The following MECR variants were observed in gnomAD, a reference collection of about 807,000 sequenced individuals.
MECR encodes enoyl-[acyl-carrier-protein] reductase, mitochondrial.
A neutral mutation model predicts 49.1 loss-of-function variants in MECR; 37 were observed. That is an observed-to-expected ratio of 0.75 (90% CI 0.58 to 0.99). The LOEUF is 0.99. MECR is among the 50% of genes least tolerant of loss of function. The pLI is 0.00. For synonymous variants in MECR, 198 were observed against 191.1 expected (o/e 1.04, Z -0.30); for missense variants, 470 against 479.6 (o/e 0.98, Z 0.19).
At chr1:29,173,661 C>A in the MECR span, among the ~76,000 whole-genome samples, 1 of 142,926 alleles carries the variant, frequency 7.0e-6, no homozygotes, top group Non-Finnish European at 1.5e-5. Flanking sequence ...GCTGGCCAGG[C>A]TGGTCTCAAA....
intron 1 of MECR, among the ~76,000 whole-genome samples, chr1:29,219,295 GATC>G (rs1300631313): frequency 6.6e-6 from 1 of 152,232 alleles, no homozygotes; most frequent in Admixed American, 6.5e-5. Flanking sequence ...TATTTTCACA[GATC>G]ATCAGAGTTT....
At chr1:29,183,937 C>T in the MECR span, among the ~76,000 whole-genome samples, 31 of 147,830 alleles carry the variant, frequency 2.1e-4, no homozygotes, top group Admixed American at 4.1e-4. Context: ...TGCAGTGCAG[C>T]GGTGCGATCT....
intron 1 of MECR, among the ~76,000 whole-genome samples, chr1:29,219,095 T>C (rs1680157074): frequency 1.3e-5 from 2 of 152,152 alleles, no homozygotes; most frequent in Non-Finnish European, 2.9e-5. Flanking sequence ...CTGGACCGGC[T>C]GCCGTTGCCT....
intron 1 of MECR, chr1:29,220,857 T>C: frequency 7.3e-6 from 7 of 959,024 alleles, no homozygotes; most frequent in Middle Eastern, 5.4e-4. Context: ...GCTGAAGAAA[T>C]GACAGCTGTT....
downstream of MECR, among the ~76,000 whole-genome samples, chr1:29,192,068 G>A (rs543146287): frequency 1.3e-5 from 2 of 152,096 alleles, no homozygotes; most frequent in African/African-American, 4.8e-5. Flanking sequence ...ACCAGCAAGG[G>A]CAACAGTGTG....
At chr1:29,177,304 G>A in the MECR span, among the ~76,000 whole-genome samples, 6 of 140,372 alleles carry the variant, frequency 4.3e-5, no homozygotes, top group Non-Finnish European at 9.2e-5. Flanking sequence ...TTTTTGAGAC[G>A]AAGTTTTGCT....
chr1:29,225,604 A>G (rs1237042395), intron 1 of MECR, among the ~76,000 whole-genome samples: 2 of 151,978 alleles, frequency 1.3e-5, no homozygotes. Flanking sequence ...TAAACTCTCA[A>G]AGAATACATG....
intron 1 of MECR, among the ~76,000 whole-genome samples, chr1:29,229,712 C>T (rs542208228): frequency 6.6e-6 from 1 of 152,190 alleles, no homozygotes; most frequent in African/African-American, 2.4e-5. Flanking sequence ...ATGATGAAAC[C>T]GAGGCTCAGA....
At chr1:29,207,221 G>A (rs867067353) in intron 3 of MECR, among the ~76,000 whole-genome samples, 3 of 151,954 alleles carry the variant, frequency 2.0e-5, no homozygotes, top group Non-Finnish European at 2.9e-5. Context: ...TCCTGGGTTC[G>A]TGATTCTTAT....
downstream of MECR, among the ~76,000 whole-genome samples, chr1:29,190,308 G>C (rs999404207): frequency 6.6e-6 from 1 of 152,094 alleles, no homozygotes; most frequent in Non-Finnish European, 1.5e-5. Context: ...CCGGGAGGCG[G>C]AGCTTGCAGT....
chr1:29,177,922 C>CA, the MECR span, among the ~76,000 whole-genome samples: 1 of 102,968 alleles, frequency 9.7e-6, no homozygotes, highest in Non-Finnish European at 1.8e-5. Flanking sequence ...TTTTTTGAGA[C>CA]AGAGTCTTGC....
the MECR span, among the ~76,000 whole-genome samples, chr1:29,184,375 C>T: frequency 3.5e-4 from 53 of 152,170 alleles, no homozygotes; most frequent in Middle Eastern, 0.01. Flanking sequence ...CTGGGTTTCA[C>T]CATGTTGGCC....
Position 29,194,148 on chromosome 1 carries a change from G to A in MECR, c.996C>T (p.Cys332=). ...TGAGCTGGCCTCGGCGGATGAGATC[G>A]CACAGTGTGAGGATCAGCTCCTTGA... is the stretch of plus-strand genomic sequence containing the variant. The part of the protein sequence containing the change: ...DQFKELILTL[C]DLIRRGQLTA... Residue 332 remains cysteine (C), a synonymous_variant, in exon 10 of 10, where the codon TGC becomes TGT. Coordinates refer to ENST00000263702, the MANE Select transcript of MECR (RefSeq NM_016011.5). 2 of 1,613,128 alleles carry A rather than the reference G, an allele frequency of 1.2e-6. No homozygotes were observed. The highest frequency in any genetic ancestry group is 1.7e-6 in the Non-Finnish European group (2 of 1,179,538).
chr1:29,219,099 G>A (rs932339986), intron 1 of MECR, among the ~76,000 whole-genome samples: 4 of 152,154 alleles, frequency 2.6e-5, no homozygotes, highest in South Asian at 2.1e-4. Flanking sequence ...ACCGGCTGCC[G>A]TTGCCTTATG....
chr1:29,196,266 G>A lies in MECR; in HGVS notation c.831-8C>T. ...ACCATGGTTCCTCCACGCCTGAAAA[G>A]TCCAAAGAGAACAAAGAGTGGATGC... On this transcript the variant is annotated splice_polypyrimidine_tract_variant and splice_region_variant and intron_variant, in intron 7 of 9. Coordinates refer to ENST00000263702, the MANE Select transcript of MECR (RefSeq NM_016011.5). 1 of 1,609,120 alleles carries A rather than the reference G, an allele frequency of 6.2e-7. No homozygotes were observed. The highest frequency in any genetic ancestry group is 8.5e-7 in the Non-Finnish European group (1 of 1,176,602).
In MECR at chr1:29,206,629, A is replaced by G. The variant is rs76349009; in HGVS notation, c.550+133T>C. 1.8e-3 allele frequency: 1,844 copies of G among 1,005,254 alleles called. 28 individuals are homozygous for G. The African/African-American group carries it at 0.025, about 14-fold the overall frequency. 62.3% of individuals were successfully genotyped at this position (1,005,254 alleles called of 1,614,324 possible). On this transcript the variant is annotated intron_variant, in intron 4 of 9. Transcript: ENST00000263702. Reference sequence around the variant, plus strand: ...CATCTTTCTAAGTGAAAGCAACAACATTCACCCAGGTGAGAGGTCCATCAC... The same window carrying G: ...CATCTTTCTAAGTGAAAGCAACAACGTTCACCCAGGTGAGAGGTCCATCAC...
intron 4 of MECR, among the ~76,000 whole-genome samples, chr1:29,203,661 T>G (rs1383872590): frequency 6.6e-6 from 1 of 152,236 alleles, no homozygotes. Context: ...CATGAAGCCT[T>G]CCTGGATTGT....
chr1:29,198,347 G>C (rs1196370117), intron 7 of MECR, among the ~76,000 whole-genome samples: 1 of 152,236 alleles, frequency 6.6e-6, no homozygotes, highest in East Asian at 1.9e-4. Flanking sequence ...AAGAGACGGA[G>C]GCCTGGATTG....
chr1:29,199,295 T>G (rs542792912), intron 7 of MECR, among the ~76,000 whole-genome samples: 14 of 152,198 alleles, frequency 9.2e-5, no homozygotes, highest in Non-Finnish European at 1.9e-4. Flanking sequence ...TGGCGCAATC[T>G]CGGCCCACCG....
Sources: gnomAD v4.1 joint callset for allele counts (sites outside exome capture counted in the v4.1 genomes callset) on GRCh38, gnomAD v4.1.1 for gene constraint, MANE v1.5 for transcripts, NCBI Gene and HGNC (gene_info 2026-07-23, HGNC 2026-07-21) for gene names.